Variants in GRIK1 observed in about 807,000 individuals in gnomAD.
GRIK1 encodes the protein glutamate ionotropic receptor kainate type subunit 1, also known as glutamate receptor ionotropic, kainate 1.
Under a neutral mutation model 105.7 loss-of-function variants are expected in GRIK1, and 69 were observed. The observed-to-expected ratio is 0.65, with a 90% confidence interval of 0.54 to 0.80. GRIK1 has a LOEUF of 0.80. Ranked by LOEUF, GRIK1 falls within the 30% of genes least tolerant of loss-of-function variation. GRIK1 has a pLI of 0.00. For missense variants in GRIK1, 1,109 were observed against 1,167.3 expected (o/e 0.95, Z 0.73); for synonymous variants, 438 against 431.3 (o/e 1.02, Z -0.19).
At chr21:29,598,253 T>C (rs979214695) in intron 8 of GRIK1, among the ~76,000 whole-genome samples, 3 of 152,198 alleles carry the variant, frequency 2.0e-5, no homozygotes, top group Non-Finnish European at 4.4e-5. Flanking sequence ...ACTTTAAACA[T>C]GGAGAGATTC....
intron 1 of GRIK1, among the ~76,000 whole-genome samples, chr21:29,713,991 A>G (rs2064118257): frequency 6.6e-6 from 1 of 152,158 alleles, no homozygotes; most frequent in South Asian, 2.1e-4. Flanking sequence ...ATATGAGGTG[A>G]TCAATTAATG....
chr21:29,795,196 C>T (rs913608670), intron 1 of GRIK1, among the ~76,000 whole-genome samples: 2 of 151,628 alleles, frequency 1.3e-5, no homozygotes, highest in African/African-American at 4.8e-5. Flanking sequence ...CCACCACGCC[C>T]GGCTAATTTT....
At chr21:29,766,842 T>C (rs1179392352) in intron 1 of GRIK1, among the ~76,000 whole-genome samples, 1 of 151,736 alleles carries the variant, frequency 6.6e-6, no homozygotes, top group African/African-American at 2.4e-5. Flanking sequence ...CTTCTTGAGG[T>C]TATAATGCAG....
At chr21:29,656,354 CAAAAAAAAAAAAAAAAAAA>C (rs3054331) in intron 4 of GRIK1, among the ~76,000 whole-genome samples, 43 of 51,176 alleles carry the variant, frequency 8.4e-4, no homozygotes, top group African/African-American at 1.6e-3. Flanking sequence ...GAGCGAGACT[CAAAAAAAAAAAAAAAAAAA>C]AAAAAAAAAA....
intron 1 of GRIK1, among the ~76,000 whole-genome samples, chr21:29,921,279 T>G (rs932996816): frequency 1.3e-4 from 20 of 152,086 alleles, no homozygotes; most frequent in Non-Finnish European, 4.4e-5. Flanking sequence ...AATCAATATA[T>G]AAGTGTAATG....
intron 6 of GRIK1, among the ~76,000 whole-genome samples, chr21:29,643,221 G>C (rs941167255): frequency 7.2e-5 from 11 of 152,090 alleles, no homozygotes; most frequent in African/African-American, 2.7e-4. Context: ...ACCCAGATCA[G>C]CCACAAAAGA....
At chr21:29,823,834 T>C (rs1299607380) in intron 1 of GRIK1, among the ~76,000 whole-genome samples, 1 of 151,990 alleles carries the variant, frequency 6.6e-6, no homozygotes, top group Non-Finnish European at 1.5e-5. Context: ...AAAGCTTCTT[T>C]CAGCTCTCCC....
intron 1 of GRIK1, among the ~76,000 whole-genome samples, chr21:29,753,750 G>A (rs1240998317): frequency 2.6e-5 from 4 of 152,204 alleles, no homozygotes; most frequent in African/African-American, 7.2e-5. Context: ...ATGTACAGGT[G>A]TATGAAATAT....
At chr21:29,886,909 G>A (rs1401399877) in intron 1 of GRIK1, among the ~76,000 whole-genome samples, 3 of 152,144 alleles carry the variant, frequency 2.0e-5, no homozygotes, top group African/African-American at 7.2e-5. Context: ...TAGGTAGCTG[G>A]AACAATTAGG....
chr21:29,750,108 T>G (rs1231261563), intron 1 of GRIK1, among the ~76,000 whole-genome samples: 2 of 152,054 alleles, frequency 1.3e-5, no homozygotes, highest in African/African-American at 4.8e-5. Flanking sequence ...GGAATCAGGG[T>G]AGAAGAATTA....
chr21:29,599,755 G>A (rs576879318), intron 7 of GRIK1, among the ~76,000 whole-genome samples: 1 of 152,040 alleles, frequency 6.6e-6, no homozygotes, highest in South Asian at 2.1e-4. Context: ...CTTCCACTGC[G>A]CTCCAGGAGC....
rs564756086 is a variant in GRIK1, at chr21:29,831,199, T to G, written c.118+108184A>C. ...GTGCCCAACCTTCATAAATAAGGAG[T>G]GAGAAAAGGCAGAAATGTTTGAGCA... On this transcript the variant is annotated intron_variant, in intron 1 of 17. Coordinates refer to ENST00000327783, the MANE Select transcript of GRIK1 (RefSeq NM_001330994.2). Among the ~76,000 whole-genome samples the G allele has an allele frequency of 3.9e-5, 6 of 151,976 alleles. No homozygotes were observed. In the South Asian group the frequency reaches 1.2e-3, roughly 32 times the overall value.
At chr21:29,631,913 G>C (rs2062282702) in intron 7 of GRIK1, among the ~76,000 whole-genome samples, 1 of 151,836 alleles carries the variant, frequency 6.6e-6, no homozygotes, top group African/African-American at 2.4e-5. Context: ...TCTTGGATTT[G>C]TGCATGAGAG....
In GRIK1 at chr21:29,614,941, C is replaced by T. The variant is rs139728705; in HGVS notation, c.1099-16004G>A. Among the ~76,000 whole-genome samples, 437 of 151,568 alleles carry T rather than the reference C, an allele frequency of 2.9e-3. 12 individuals carry two copies. The highest frequency in any genetic ancestry group is 1.0e-2 in the African/African-American group (408 of 40,912). ...TTTAGAAACCTTACTTGATAGAAAG[C>T]GAGCATCACAAAGGCAGGGATGGGT... On this transcript the variant is annotated intron_variant, in intron 7 of 17. Coordinates refer to ENST00000327783, the MANE Select transcript of GRIK1 (RefSeq NM_001330994.2).
At chr21:29,937,314 C>T (rs2071794500) in intron 1 of GRIK1, among the ~76,000 whole-genome samples, 1 of 152,164 alleles carries the variant, frequency 6.6e-6, no homozygotes, top group South Asian at 2.1e-4. Context: ...CCACAGGACA[C>T]TCCAGGCCAG....
chr21:29,837,652 T>C (rs1414870254), intron 1 of GRIK1, among the ~76,000 whole-genome samples: 2 of 152,220 alleles, frequency 1.3e-5, no homozygotes, highest in Non-Finnish European at 2.9e-5. Context: ...TATTTAAATC[T>C]AAATATTTTA....
chr21:29,899,639 C>A (rs532524969), intron 1 of GRIK1, among the ~76,000 whole-genome samples: 1 of 151,646 alleles, frequency 6.6e-6, no homozygotes, highest in South Asian at 2.1e-4. Context: ...TCTCTTAGGA[C>A]AAAATTTAGA....
chr21:29,803,007 G>C (rs1855428982), intron 1 of GRIK1, among the ~76,000 whole-genome samples: 1 of 152,044 alleles, frequency 6.6e-6, no homozygotes, highest in Non-Finnish European at 1.5e-5. Context: ...TATTATCAAA[G>C]ACCTCAAGCA....
chr21:29,575,782 A>C (rs1451203859), intron 14 of GRIK1, among the ~76,000 whole-genome samples: 1 of 152,176 alleles, frequency 6.6e-6, no homozygotes, highest in Non-Finnish European at 1.5e-5. Context: ...CAGCGAGCCA[A>C]GATCGCGCCA....
Sources: gnomAD v4.1 joint callset for allele counts (sites outside exome capture counted in the v4.1 genomes callset) on GRCh38, gnomAD v4.1.1 for gene constraint, MANE v1.5 for transcripts, NCBI Gene and HGNC (gene_info 2026-07-23, HGNC 2026-07-21) for gene names.